The following EGF variants were observed in gnomAD, a reference collection of about 807,000 sequenced individuals.
The protein encoded by EGF is pro-epidermal growth factor.
In EGF, 95 loss-of-function variants were observed where a neutral mutation model predicts 143.8. That is an observed-to-expected ratio of 0.66 (90% CI 0.56 to 0.78). EGF has a LOEUF of 0.78. Ranked by LOEUF, EGF falls within the 30% of genes least tolerant of loss-of-function variation. The pLI is 0.00. For synonymous variants in EGF, 510 were observed against 510.5 expected, an observed-to-expected ratio of 1.00 and a Z score of 0.01; for missense variants, 1,320 against 1,470.9, an observed-to-expected ratio of 0.90 and a Z score of 1.68.
chr4:109,950,950 G>A lies in EGF; in HGVS notation c.940+5675G>A, dbSNP rs573364856. Reference sequence around the variant, plus strand: ...TTTTTATATTCCTTAGTCCTTAGAGGACAGAGAATACAACTTTCCATTGCA... The same window carrying A: ...TTTTTATATTCCTTAGTCCTTAGAGAACAGAGAATACAACTTTCCATTGCA... On this transcript the variant is annotated intron_variant, in intron 5 of 23. Transcript: ENST00000265171. Among the ~76,000 whole-genome samples the A allele has an allele frequency of 2.0e-4, 30 of 152,094 alleles. No homozygotes were observed. The South Asian group carries it at 4.6e-3, about 23-fold the overall frequency.
chr4:109,993,839 C>G (rs1284812831), intron 19 of EGF, among the ~76,000 whole-genome samples: 1 of 152,154 alleles, frequency 6.6e-6, no homozygotes, highest in Non-Finnish European at 1.5e-5. Flanking sequence ...TAATGGTTGA[C>G]TCCTGCTTCC....
intron 10 of EGF, 130 bp downstream of exon 10, chr4:109,964,667 T>A: frequency 7.7e-7 from 1 of 1,304,514 alleles, no homozygotes; most frequent in Non-Finnish European, 1.1e-6. Flanking sequence ...CAGAACAAGT[T>A]AAATATAGAT....
At chr4:109,943,173 A>G (rs559242261) in intron 2 of EGF, 81 bp from the exon 3 acceptor site, 1 of 995,082 alleles carries the variant, frequency 1.0e-6, no homozygotes, top group South Asian at 1.8e-5. Flanking sequence ...AAAAGAATAG[A>G]CTTTTTATAT....
Position 109,999,674 on chromosome 4 carries a change from C to G in EGF, c.3006-5C>G. On this transcript the variant is annotated splice_region_variant and splice_polypyrimidine_tract_variant and intron_variant, in intron 20 of 23. Transcript: ENST00000265171. ...CTGATGACCTCTGTTTGTGTGTTGT[C>G]ACAGCTGTGTTGTTGGCTACATCGG... 1.9e-6 allele frequency: 3 copies of G among 1,614,136 alleles called. No individual in the cohort carries two copies. The highest frequency in any genetic ancestry group is 2.5e-6 in the Non-Finnish European group (3 of 1,180,018).
chr4:109,922,190 C>T (rs1171602023), intron 1 of EGF, among the ~76,000 whole-genome samples: 2 of 151,656 alleles, frequency 1.3e-5, no homozygotes, highest in Non-Finnish European at 2.9e-5. Context: ...ATGGTCAATG[C>T]TCTAAGTGGA....
intron 22 of EGF, among the ~76,000 whole-genome samples, chr4:110,004,887 G>A (rs888817007): frequency 1.4e-4 from 21 of 151,862 alleles, no homozygotes; most frequent in Admixed American, 1.1e-3. Flanking sequence ...CTTTCATGTA[G>A]ATTCTTTCTA....
chr4:109,933,859 T>G (rs904662275), intron 1 of EGF, among the ~76,000 whole-genome samples: 4 of 152,208 alleles, frequency 2.6e-5, no homozygotes, highest in African/African-American at 9.7e-5. Context: ...TCTTTGCTAT[T>G]GTGAATAGTG....
chr4:109,988,860 G>A lies in EGF; in HGVS notation c.2734+151G>A, dbSNP rs2074390. On this transcript the variant is annotated intron_variant, in intron 18 of 23. Coordinates refer to ENST00000265171, the MANE Select transcript of EGF (RefSeq NM_001963.6). ...AGTTGTGCGACCTGCTCAAACTGAC[G>A]TATTTCCATTCTTGGTGAACAGTCA... The A allele has an allele frequency of 0.42, 491,419 of 1,171,326 alleles. 114,591 individuals are homozygous for A. The highest frequency in any genetic ancestry group is 0.81 in the African/African-American group (53,528 of 65,842). The allele number at this position is 1,171,326 out of a possible 1,614,324, so 72.6% of individuals were successfully genotyped here.
intron 19 of EGF, 129 bp from the exon 20 acceptor site, chr4:109,994,604 C>G: frequency 9.2e-7 from 1 of 1,087,848 alleles, no homozygotes. Context: ...ACTATTGTCC[C>G]TTCTAGTAGT....
At chr4:109,918,088 C>A (rs776960606) in intron 1 of EGF, among the ~76,000 whole-genome samples, 1 of 152,102 alleles carries the variant, frequency 6.6e-6, no homozygotes, top group Non-Finnish European at 1.5e-5. Flanking sequence ...CAACAAATAA[C>A]GTATCTAATA....
rs11569080 is a variant in EGF at position 109,993,595 on chromosome 4, A to G, written c.2857+226A>G. ...ATCCTTTTTTATTACTCACAATCCA[A>G]TAAAGATGGGAACATGGGTATCTCT... On this transcript the variant is annotated intron_variant, in intron 19 of 23. Transcript: ENST00000265171. Among the ~76,000 whole-genome samples, 12,199 of 152,158 alleles carry G rather than the reference A, an allele frequency of 0.08. 1,542 individuals carry two copies. The highest frequency in any genetic ancestry group is 0.26 in the African/African-American group (10,976 of 41,452).
Position 109,964,448 on chromosome 4 carries a change from AT to A in EGF, c.1487del (p.Met496SerfsTer22), listed in dbSNP as rs1247009742. The part of the protein sequence containing the change: ...LFANSQDIRH[M>X]HFDGTDYGTL... ...TGCCAATTCTCAAGATATTCGACAC[AT>A]GCATTTTGATGGAACAGACTATGGA... is the stretch of plus-strand genomic sequence containing the variant. On this transcript the variant is annotated frameshift_variant, in exon 10 of 24. Coordinates refer to ENST00000265171, the MANE Select transcript of EGF (RefSeq NM_001963.6). LOFTEE classifies it high-confidence loss of function. The A allele has an allele frequency of 6.2e-7, 1 of 1,614,000 alleles. No individual in the cohort carries two copies. The highest frequency in any genetic ancestry group is 1.7e-5 in the Admixed American group (1 of 60,010).
At chr4:109,940,113 A>C (rs1185574086) in intron 1 of EGF, among the ~76,000 whole-genome samples, 2 of 152,172 alleles carry the variant, frequency 1.3e-5, no homozygotes, top group Non-Finnish European at 2.9e-5. Context: ...CAGGTTCCCA[A>C]GTAGATATTG....
chr4:109,956,983 A>T (rs1228240757), intron 5 of EGF, among the ~76,000 whole-genome samples: 1 of 152,168 alleles, frequency 6.6e-6, no homozygotes, highest in Non-Finnish European at 1.5e-5. Flanking sequence ...ATCACTCCTG[A>T]TTCTGTAAAA....
At position 109,952,393 on chromosome 4, in the gene EGF, G is replaced by A. The variant is rs1431867465; in HGVS notation, c.941-6919G>A. 3.9e-5 allele frequency among the ~76,000 whole-genome samples: 6 copies of A among 152,268 alleles called. No individual in the cohort carries two copies. In the South Asian group the frequency reaches 8.3e-4, roughly 21 times the overall value. ...ACATTCATTTCATGCACAAAAAGAT[G>A]GCTGAATTTAATCCTGTGAGTTCAT... On this transcript the variant is annotated intron_variant, in intron 5 of 23. Transcript: ENST00000265171.
At chr4:109,999,928 A>T in intron 21 of EGF, 82 bp downstream of exon 21, 4 of 1,577,786 alleles carry the variant, frequency 2.5e-6, no homozygotes, top group Non-Finnish European at 3.5e-6. Context: ...GATGAGATGT[A>T]TGAAATAGTA....
chr4:109,961,031 A>G (rs1745607088), intron 7 of EGF, 42 bp downstream of exon 7: 1 of 1,609,926 alleles, frequency 6.2e-7, no homozygotes, highest in Non-Finnish European at 8.5e-7. Flanking sequence ...AGTTTTCTTC[A>G]TTTTCAATAT....
At chr4:109,983,367 C>CT (rs1180444624) in intron 15 of EGF, 55 bp from the exon 16 acceptor site, 111 of 1,567,846 alleles carry the variant, frequency 7.1e-5, no homozygotes, top group East Asian at 9.4e-5. Flanking sequence ...TGAAATCAAA[C>CT]TTTTTTTTTG....
chr4:109,945,690 C>A (rs373517923), intron 5 of EGF, among the ~76,000 whole-genome samples: 1 of 152,022 alleles, frequency 6.6e-6, no homozygotes, highest in East Asian at 1.9e-4. Context: ...GCTTTAAATG[C>A]CAGTTTATAT....
Sources: gnomAD v4.1 joint callset for allele counts (sites outside exome capture counted in the v4.1 genomes callset) on GRCh38, gnomAD v4.1.1 for gene constraint, MANE v1.5 for transcripts, NCBI Gene and HGNC (gene_info 2026-07-23, HGNC 2026-07-21) for gene names.